Variants in EMP2 observed in about 807,000 individuals in gnomAD.
EMP2 encodes epithelial membrane protein 2.
Under a neutral mutation model 13.7 loss-of-function variants are expected in EMP2, and 19 were observed. The observed-to-expected ratio is 1.38, with a 90% CI of 0.97 to 2.03. The LOEUF (loss-of-function observed/expected upper bound fraction) is 2.03, where lower values mean the gene tolerates loss of function less well. EMP2 is among the 30% of genes most tolerant of loss of function. The probability of loss-of-function intolerance (pLI) is 0.00; values close to 1 mark genes in which losing one functional copy is unlikely to be tolerated. For missense variants in EMP2, 253 were observed against 220.7 expected, an observed-to-expected ratio of 1.15 and a Z score of -0.93; for synonymous variants, 97 against 84.7, an observed-to-expected ratio of 1.15 and a Z score of -0.80.
intron 4 of EMP2, among the ~76,000 whole-genome samples, chr16:10,536,398 G>T (rs2050647425): frequency 6.6e-6 from 1 of 152,156 alleles, no homozygotes; most frequent in Non-Finnish European, 1.5e-5. Context: ...ACGGGGCTAG[G>T]TGGAGATCAT....
At chr16:10,566,307 C>T (rs2050906486) in intron 1 of EMP2, among the ~76,000 whole-genome samples, 2 of 152,286 alleles carry the variant, frequency 1.3e-5, no homozygotes, top group African/African-American at 4.8e-5. Flanking sequence ...GCATCATTTG[C>T]CATAAATAGA....
rs2050617145 is a variant in EMP2 at position 10,532,796 on chromosome 16, A to C, written c.*109T>G. The C allele has an allele frequency of 5.2e-6, 1 of 190,928 alleles. No homozygotes were observed. The highest frequency in any genetic ancestry group is 1.1e-4 in the East Asian group (1 of 8,940). 11.8% of individuals were successfully genotyped at this position (190,928 alleles called of 1,614,324 possible). ...TTTTTTTTTTTTTTTTGGCTTTTAA[A>C]GGAAACAATACGTTTGCTAGAAAAA... On this transcript the variant is annotated 3_prime_UTR_variant, in exon 5 of 5. Coordinates refer to ENST00000359543, the MANE Select transcript of EMP2 (RefSeq NM_001424.6).
In EMP2 at chr16:10,552,118, CCTT is replaced by C. The variant is rs750343419; in HGVS notation, c.-60-4444_-60-4442del. 1.0e-3 allele frequency among the ~76,000 whole-genome samples: 132 copies of C among 126,228 alleles called. 1 individual carries two copies. The highest frequency in any genetic ancestry group is 3.6e-3 in the Middle Eastern group (1 of 278). 82.8% of individuals were successfully genotyped at this position (126,228 alleles called of 152,430 possible). A position where few individuals can be genotyped will look rare whatever the true frequency, so the allele number is the denominator to read the frequency against. On this transcript the variant is annotated intron_variant, in intron 1 of 4. Transcript: ENST00000359543. ...CTGCTGCCTCCAAAATGATGCATTC[CCTT>C]TTTTTTTTTTTTTTAATAGATGCAT...
At chr16:10,550,659 C>A (rs1319446282) in intron 1 of EMP2, among the ~76,000 whole-genome samples, 1 of 152,158 alleles carries the variant, frequency 6.6e-6, no homozygotes, top group Non-Finnish European at 1.5e-5. Context: ...TTTCACTGTA[C>A]ATTTCCCCTT....
At chr16:10,535,354 TA>T (rs1256043220) in intron 4 of EMP2, among the ~76,000 whole-genome samples, 2 of 152,114 alleles carry the variant, frequency 1.3e-5, no homozygotes, top group East Asian at 3.8e-4. Flanking sequence ...TTTATATATA[TA>T]AAATTCCTAA....
intron 1 of EMP2, among the ~76,000 whole-genome samples, chr16:10,555,912 G>C (rs1456547411): frequency 6.6e-6 from 1 of 152,074 alleles, no homozygotes; most frequent in Non-Finnish European, 1.5e-5. Flanking sequence ...AATCTTTTCA[G>C]CTGTTTCTAC....
In EMP2 at chr16:10,530,592, T is replaced by G. The variant is rs904935109; in HGVS notation, c.*2313A>C. 3 of 150,484 alleles carry G rather than the reference T, an allele frequency of 2.0e-5. No individual in the cohort carries two copies. Among genetic ancestry groups the G allele is most frequent in the Non-Finnish European group, 4.4e-5 (3 of 67,608 alleles). 9.3% of individuals were successfully genotyped at this position (150,484 alleles called of 1,614,324 possible). ...ATCTCCTGGGATGGTTCCTGGGTGG[T>G]CTGCATTGCCACACAGCATCATGCT... On this transcript the variant is annotated 3_prime_UTR_variant, in exon 5 of 5. Transcript: ENST00000359543.
intron 1 of EMP2, among the ~76,000 whole-genome samples, chr16:10,565,843 G>A (rs1488598787): frequency 6.6e-6 from 1 of 152,162 alleles, no homozygotes; most frequent in Non-Finnish European, 1.5e-5. Flanking sequence ...GCTATGAGGT[G>A]GCCATGCTGG....
At chr16:10,571,508 G>C (rs918743855) in intron 1 of EMP2, among the ~76,000 whole-genome samples, 1 of 152,162 alleles carries the variant, frequency 6.6e-6, no homozygotes, top group African/African-American at 2.4e-5. Context: ...GATTCGGAAG[G>C]TCAGTCAGCC....
At position 10,531,359 on chromosome 16, in the gene EMP2, G is replaced by A. The variant is rs1317677000; in HGVS notation, c.*1546C>T. On this transcript the variant is annotated 3_prime_UTR_variant, in exon 5 of 5. Coordinates refer to ENST00000359543, the MANE Select transcript of EMP2 (RefSeq NM_001424.6). ...CTTTTTTTTCTTTTTTTGAGATGGA[G>A]TCTCACTCTGTCACCCAGGCTGGAG... 6.6e-6 allele frequency: 1 copy of A among 152,566 alleles called. No individual in the cohort carries two copies. The highest frequency in any genetic ancestry group is 1.9e-4 in the East Asian group (1 of 5,186). 9.5% of individuals were successfully genotyped at this position (152,566 alleles called of 1,614,324 possible).
intron 1 of EMP2, among the ~76,000 whole-genome samples, chr16:10,566,725 C>G (rs1456206781): frequency 6.6e-6 from 1 of 152,178 alleles, no homozygotes; most frequent in East Asian, 1.9e-4. Context: ...GTGTGTGTCA[C>G]CATTTTCACA....
chr16:10,564,856 C>G (rs1363534348), intron 1 of EMP2, among the ~76,000 whole-genome samples: 1 of 152,208 alleles, frequency 6.6e-6, no homozygotes, highest in African/African-American at 2.4e-5. Flanking sequence ...TTCCCCAAAT[C>G]TGCCATTCCT....
In EMP2 at chr16:10,532,931, A is replaced by G; in HGVS notation, c.478T>C (p.Tyr160His). 1 of 1,599,050 alleles carries G rather than the reference A, an allele frequency of 6.3e-7. No individual in the cohort carries two copies. The highest frequency in any genetic ancestry group is 1.8e-4 in the Middle Eastern group (1 of 5,418). Residue 160 changes from tyrosine to histidine, a missense_variant, in exon 5 of 5, where the codon TAC becomes CAC. Coordinates refer to ENST00000359543, the MANE Select transcript of EMP2 (RefSeq NM_001424.6). ...TATTTGCGCTTCCTCAGTATCAGGTACATCATGCCGCTGATGAAGGTGCAG... is the reference window on the plus strand; with the variant it reads ...TATTTGCGCTTCCTCAGTATCAGGTGCATCATGCCGCTGATGAAGGTGCAG... The part of the protein sequence containing the change: ...FACTFISGMM[Y>H]LILRKRK
chr16:10,565,837 T>C (rs1436963502), intron 1 of EMP2, among the ~76,000 whole-genome samples: 1 of 152,216 alleles, frequency 6.6e-6, no homozygotes, highest in Non-Finnish European at 1.5e-5. Flanking sequence ...TAGGGGGCTA[T>C]GAGGTGGCCA....
rs983127204 is a variant in EMP2, at chr16:10,530,458, C to G, written c.*2447G>C. On this transcript the variant is annotated 3_prime_UTR_variant, in exon 5 of 5. Coordinates refer to ENST00000359543, the MANE Select transcript of EMP2 (RefSeq NM_001424.6). ...ACCACCACTCCACTCAGCAGAAGGT[C>G]AAGTGCAAAAGTATTTAAATAGCAC... The G allele has an allele frequency of 2.6e-5, 4 of 152,626 alleles. No homozygotes were observed. The highest frequency in any genetic ancestry group is 9.7e-5 in the African/African-American group (4 of 41,432). The allele number at this position is 152,626 out of a possible 1,614,324, so 9.5% of individuals were successfully genotyped here.
chr16:10,566,084 C>T (rs1438644800), intron 1 of EMP2, among the ~76,000 whole-genome samples: 1 of 152,162 alleles, frequency 6.6e-6, no homozygotes, highest in African/African-American at 2.4e-5. Flanking sequence ...TCTGAACATG[C>T]CCCGGGACTG....
rs1567198791 is a variant in EMP2, at chr16:10,532,176, G to A, written c.*729C>T. ...AGATTCCCTGGCCCCATCCCTTGAA[G>A]ACTCTGATTCTGTAGGTCTGGGGTG... On this transcript the variant is annotated 3_prime_UTR_variant, in exon 5 of 5. Transcript: ENST00000359543. 1 of 150,048 alleles carries A rather than the reference G, an allele frequency of 6.7e-6. No homozygotes were observed. The highest frequency in any genetic ancestry group is 1.5e-5 in the Non-Finnish European group (1 of 67,442). 9.3% of individuals were successfully genotyped at this position (150,048 alleles called of 1,614,324 possible).
At chr16:10,552,016 G>A (rs1056883004) in intron 1 of EMP2, among the ~76,000 whole-genome samples, 2 of 152,154 alleles carry the variant, frequency 1.3e-5, no homozygotes, top group African/African-American at 4.8e-5. Context: ...AACCAGCTTG[G>A]AGATTCTTCT....
At chr16:10,556,526 C>T (rs908056610) in intron 1 of EMP2, among the ~76,000 whole-genome samples, 4 of 152,198 alleles carry the variant, frequency 2.6e-5, no homozygotes, top group African/African-American at 9.7e-5. Flanking sequence ...AAATTCACTT[C>T]TAACTGTGGG....
Sources: allele counts gnomAD v4.1 joint callset (sites outside exome capture counted in the v4.1 genomes callset), GRCh38; gene constraint gnomAD v4.1.1; transcripts MANE v1.5; gene names NCBI Gene and HGNC (gene_info 2026-07-23, HGNC 2026-07-21).